The following ARL3 variants were observed in gnomAD, a reference collection of about 807,000 sequenced individuals.
ARL3 encodes the protein ADP-ribosylation factor-like protein 3.
A neutral mutation model predicts 26.0 loss-of-function variants in ARL3; 9 were observed. That is an observed-to-expected ratio of 0.35 (90% CI 0.21 to 0.60). The LOEUF is 0.60. Among genes scored for constraint, ARL3 ranks in the 20% least tolerant of loss-of-function variants. The pLI, the probability that ARL3 is intolerant of heterozygous loss-of-function variation, is 0.78. For missense variants in ARL3, 158 were observed against 215.7 expected, an observed-to-expected ratio of 0.73 and a Z score of 1.67; for synonymous variants, 71 against 78.4, an observed-to-expected ratio of 0.91 and a Z score of 0.50.
At chr10:102,708,908 A>ATATATT in intron 1 of ARL3, among the ~76,000 whole-genome samples, 16 of 95,316 alleles carry the variant, frequency 1.7e-4, no homozygotes, top group East Asian at 6.1e-4. Context: ...ATATATATAT[A>ATATATT]TTTTTTTTTT....
chr10:102,708,056 G>A (rs751899186), intron 1 of ARL3, among the ~76,000 whole-genome samples: 30 of 152,080 alleles, frequency 2.0e-4, no homozygotes, highest in Middle Eastern at 3.4e-3. Context: ...TGGGACTACC[G>A]GCTCACACCA....
chr10:102,706,247 C>T (rs1169314077), intron 1 of ARL3, among the ~76,000 whole-genome samples: 4 of 152,042 alleles, frequency 2.6e-5, no homozygotes, highest in South Asian at 2.1e-4. Context: ...GTCAGGAGAT[C>T]GAGACCATCC....
chr10:102,706,444 C>T (rs577138545), intron 1 of ARL3, among the ~76,000 whole-genome samples: 56 of 151,736 alleles, frequency 3.7e-4, no homozygotes, highest in Non-Finnish European at 6.6e-4. Flanking sequence ...GAGCAAGACT[C>T]CGTCTCAAAA....
At chr10:102,702,635 TA>T (rs1268040956) in intron 2 of ARL3, among the ~76,000 whole-genome samples, 9 of 151,988 alleles carry the variant, frequency 5.9e-5, no homozygotes, top group Non-Finnish European at 1.3e-4. Flanking sequence ...TTGCTAATAC[TA>T]AAAAAACAAA....
At chr10:102,702,834 CT>C (rs1290723216) in intron 2 of ARL3, among the ~76,000 whole-genome samples, 5 of 152,136 alleles carry the variant, frequency 3.3e-5, no homozygotes, top group African/African-American at 9.7e-5. Context: ...GTTGAAATGA[CT>C]TTTCCATAAA....
intron 5 of ARL3, among the ~76,000 whole-genome samples, chr10:102,679,861 TA>T (rs955947435): frequency 1.3e-5 from 2 of 152,226 alleles, no homozygotes; most frequent in Non-Finnish European, 2.9e-5. Context: ...GTGGAAATGC[TA>T]CATTTAGAGA....
intron 1 of ARL3, among the ~76,000 whole-genome samples, chr10:102,705,725 T>A (rs544470355): frequency 1.3e-5 from 2 of 152,320 alleles, no homozygotes; most frequent in South Asian, 4.1e-4. Flanking sequence ...CTCCAATCAA[T>A]CTAGCTTAGC....
At position 102,676,026 on chromosome 10, in the gene ARL3, C is replaced by G. The variant is rs2135993315; in HGVS notation, c.*868G>C. ...AGCCAGCTAATCTCAGAGTCGGCTG[C>G]TCACTGCTCCACTGAGCTGGAGAAA... On this transcript the variant is annotated 3_prime_UTR_variant, in exon 6 of 6. Coordinates refer to ENST00000260746, the MANE Select transcript of ARL3 (RefSeq NM_004311.4). The G allele has an allele frequency of 6.5e-6, 1 of 152,734 alleles. No homozygotes were observed. Among genetic ancestry groups the G allele is most frequent in the Middle Eastern group, 3.4e-3 (1 of 294 alleles). The allele number at this position is 152,734 out of a possible 1,614,324, so 9.5% of individuals were successfully genotyped here. A position where few individuals can be genotyped will look rare whatever the true frequency, so the allele number is the denominator to read the frequency against.
chr10:102,705,015 T>C (rs752487903), intron 2 of ARL3, among the ~76,000 whole-genome samples: 8 of 152,166 alleles, frequency 5.3e-5, no homozygotes, highest in Non-Finnish European at 1.0e-4. Context: ...TGGCATTAAA[T>C]ACATTCACAC....
At chr10:102,707,145 C>A (rs2064314466) in intron 1 of ARL3, among the ~76,000 whole-genome samples, 1 of 151,748 alleles carries the variant, frequency 6.6e-6, no homozygotes, top group Admixed American at 6.6e-5. Flanking sequence ...AAATAAAAAA[C>A]AAATAAGCCA....
intron 2 of ARL3, 124 bp downstream of exon 2, chr10:102,705,222 T>A: frequency 1.7e-6 from 2 of 1,179,248 alleles, no homozygotes; most frequent in Non-Finnish European, 2.3e-6. Flanking sequence ...ATCTTTAGAT[T>A]GTATAGACTT....
intron 3 of ARL3, among the ~76,000 whole-genome samples, chr10:102,693,665 G>A (rs2064231696): frequency 6.6e-6 from 1 of 151,992 alleles, no homozygotes. Flanking sequence ...CTTTTGCAGA[G>A]CAGAAGTTTT....
At chr10:102,677,015 G>T in intron 5 of ARL3, 74 bp from the exon 6 acceptor site, 11 of 1,522,382 alleles carry the variant, frequency 7.2e-6, no homozygotes, top group Non-Finnish European at 8.2e-6. Flanking sequence ...CTGGAGGGGC[G>T]GGCAGTGGGG....
chr10:102,705,570 G>GA, intron 1 of ARL3, 81 bp from the exon 2 acceptor site: 1 of 1,335,412 alleles, frequency 7.5e-7, no homozygotes, highest in Non-Finnish European at 9.9e-7. Flanking sequence ...ACTTCTCCTT[G>GA]AAAAAAGTTA....
chr10:102,705,356 G>A lies in ARL3; in HGVS notation c.137C>T (p.Thr46Ile), dbSNP rs2136008662. ...CAAGGCAGTGCTCACCTGTGTAGGT[G>A]TGATGTGGCTGATGTCTTCAGATGC... ...QLASEDISHI[T>I]PTQGFNIKSV... Residue 46 changes from threonine to isoleucine, a missense_variant, in exon 2 of 6, where the codon ACA (threonine) becomes ATA (isoleucine). Coordinates refer to ENST00000260746, the MANE Select transcript of ARL3 (RefSeq NM_004311.4). 1 of 1,605,798 alleles carries A rather than the reference G, an allele frequency of 6.2e-7. No homozygotes were observed. The highest frequency in any genetic ancestry group is 2.2e-5 in the East Asian group (1 of 44,724).
At chr10:102,688,782 C>T (rs554733504) in intron 4 of ARL3, among the ~76,000 whole-genome samples, 5 of 152,220 alleles carry the variant, frequency 3.3e-5, no homozygotes, top group African/African-American at 1.2e-4. Context: ...GGATTACAGG[C>T]GCGAGCCACC....
intron 2 of ARL3, among the ~76,000 whole-genome samples, chr10:102,700,149 G>A (rs1032296693): frequency 8.5e-5 from 13 of 152,284 alleles, no homozygotes; most frequent in African/African-American, 2.4e-4. Flanking sequence ...CGTAGCTCAC[G>A]CCTGTAATCC....
intron 5 of ARL3, among the ~76,000 whole-genome samples, chr10:102,677,335 C>A (rs1328720000): frequency 6.6e-6 from 1 of 152,200 alleles, no homozygotes; most frequent in Non-Finnish European, 1.5e-5. Context: ...ATAAGCCACC[C>A]TTTTGGTGCC....
At position 102,685,788 on chromosome 10, in the gene ARL3, A is replaced by G. The variant is rs757709273; in HGVS notation, c.501+28T>C. 4.5e-6 allele frequency: 7 copies of G among 1,572,358 alleles called. No homozygotes were observed. The African/African-American group carries it at 8.1e-5, about 18-fold the overall frequency. Reference sequence around the variant, plus strand: ...CACCTCGGTTAGCTGTCATGTTGCCAGGTGGCCAAGCCTTCCTGTAATCTC... The same window carrying G: ...CACCTCGGTTAGCTGTCATGTTGCCGGGTGGCCAAGCCTTCCTGTAATCTC... On this transcript the variant is annotated intron_variant, in intron 5 of 5. Transcript: ENST00000260746.
Sources: allele counts gnomAD v4.1 joint callset (sites outside exome capture counted in the v4.1 genomes callset), GRCh38; gene constraint gnomAD v4.1.1; transcripts MANE v1.5; gene names NCBI Gene and HGNC (gene_info 2026-07-23, HGNC 2026-07-21).